IKBKB: variants seen among roughly 807,000 people sequenced by gnomAD.
The protein encoded by IKBKB is inhibitor of nuclear factor kappa B kinase subunit beta, also known as inhibitor of nuclear factor kappa-B kinase subunit beta.
In IKBKB, 42 loss-of-function variants were observed where a neutral mutation model predicts 113.6. The ratio of observed to expected loss-of-function variants is 0.37; its 90% CI spans 0.29 to 0.48. The LOEUF (loss-of-function observed/expected upper bound fraction) is 0.48, where lower values mean the gene tolerates loss of function less well. Among genes scored for constraint, IKBKB ranks in the 20% least tolerant of loss-of-function variants. The probability of loss-of-function intolerance (pLI) is 0.99; values close to 1 mark genes in which losing one functional copy is unlikely to be tolerated. For synonymous variants in IKBKB, 296 were observed against 361.3 expected, an observed-to-expected ratio of 0.82 and a Z score of 2.05; for missense variants, 673 against 939.7, an observed-to-expected ratio of 0.72 and a Z score of 3.71.
At position 42,318,538 on chromosome 8, in the gene IKBKB, G is replaced by T. The variant is rs1819135606; in HGVS notation, c.1241-14G>T. On this transcript the variant is annotated splice_polypyrimidine_tract_variant and intron_variant, in intron 12 of 21. Transcript: ENST00000520810. ...TGGTTATTCTTTGACAATTGCTTGT[G>T]TCTCTGTCTCCAGTTCAAGAGCCCA... The T allele has an allele frequency of 6.2e-7, 1 of 1,611,118 alleles. No homozygotes were observed. Among genetic ancestry groups the T allele is most frequent in the South Asian group, 1.1e-5 (1 of 90,954 alleles).
rs201788890 is a variant in IKBKB at position 42,316,261 on chromosome 8, C to A, written c.852C>A (p.His284Gln). 1 of 1,614,074 alleles carries A rather than the reference C, an allele frequency of 6.2e-7. No individual in the cohort carries two copies. Among genetic ancestry groups the A allele is most frequent in the Non-Finnish European group, 8.5e-7 (1 of 1,179,988 alleles). ...EKWLQLMLMW[H>Q]PRQRGTDPTY... The stretch of plus-strand genomic sequence containing the variant: ...GGCTGCAACTGATGCTGATGTGGCA[C>A]CCCCGACAGAGGGGCACGGATCCCA... The change falls in exon 10 of 22, where the codon CAC becomes CAA. Residue 284 changes from histidine to glutamine, a missense_variant. Around this residue, in one of 2 missense-constraint regions of IKBKB, gnomAD observed 506 missense variants for 638.7 expected, o/e 0.79. Transcript: ENST00000520810. This position sits in a 1 kb window ranked among gnomAD's most constrained non-coding sequence, Gnocchi z 4.5.
At chr8:42,297,995 G>A (rs1309719938) in intron 5 of IKBKB, 2 of 653,200 alleles carry the variant, frequency 3.1e-6, no homozygotes, top group East Asian at 1.4e-4. Flanking sequence ...ACTCCATGCT[G>A]ATAGGAGACC....
Position 42,271,465 on chromosome 8 carries a change from G to T in IKBKB, c.-23G>T. ...CCGCCCCCTGCCCCGCGTCCCTGCC[G>T]ACAGGTGAGTCCCCCTCGTGGGTGC... On this transcript the variant is annotated 5_prime_UTR_variant, in exon 1 of 22. Transcript: ENST00000520810. 1 of 1,090,956 alleles carries T rather than the reference G, an allele frequency of 9.2e-7. No individual in the cohort carries two copies. The highest frequency in any genetic ancestry group is 1.4e-5 in the South Asian group (1 of 73,672). The allele number at this position is 1,090,956 out of a possible 1,614,324, so 67.6% of individuals were successfully genotyped here. A position where few individuals can be genotyped will look rare whatever the true frequency, so the allele number is the denominator to read the frequency against.
At chr8:42,321,716 C>A in intron 16 of IKBKB, 180 bp from the exon 17 acceptor site, 1 of 565,722 alleles carries the variant, frequency 1.8e-6, no homozygotes, top group Non-Finnish European at 3.1e-6. Context: ...TTTGGCTGGG[C>A]ACAGTGGATC....
chr8:42,317,856 G>C, intron 12 of IKBKB, 85 bp downstream of exon 12: 2 of 974,274 alleles, frequency 2.1e-6, no homozygotes, highest in Non-Finnish European at 1.6e-6. Context: ...GACTAAGGAA[G>C]GGGGAGCCAC....
At chr8:42,300,523 G>A (rs554696630) in intron 5 of IKBKB, among the ~76,000 whole-genome samples, 30 of 152,238 alleles carry the variant, frequency 2.0e-4, no homozygotes, top group Middle Eastern at 6.8e-3. Context: ...CTTTCTTCTC[G>A]GAAGTCTTGC....
chr8:42,289,767 G>GA (rs921057499), intron 3 of IKBKB, among the ~76,000 whole-genome samples: 137 of 151,982 alleles, frequency 9.0e-4, no homozygotes, highest in African/African-American at 3.3e-3. Context: ...ACAGACAAAA[G>GA]AAAAAAAATA....
At position 42,316,100 on chromosome 8, in the gene IKBKB, A is replaced by G; in HGVS notation, c.801-110A>G. ...TACTGTTTCTGATAAACCCATTTTCATTTTCAATCACCGTCTACTGGCTGC... is the reference window on the plus strand; with the variant it reads ...TACTGTTTCTGATAAACCCATTTTCGTTTTCAATCACCGTCTACTGGCTGC... On this transcript the variant is annotated intron_variant, in intron 9 of 21. Coordinates refer to ENST00000520810, the MANE Select transcript of IKBKB (RefSeq NM_001556.3). The surrounding 1 kb of genome is among the most constrained non-coding windows in gnomAD (Gnocchi z 4.5). The G allele has an allele frequency of 8.3e-7, 1 of 1,206,916 alleles. No homozygotes were observed. The highest frequency in any genetic ancestry group is 1.2e-6 in the Non-Finnish European group (1 of 862,528). 74.8% of individuals were successfully genotyped at this position (1,206,916 alleles called of 1,614,324 possible). A position where few individuals can be genotyped will look rare whatever the true frequency, so the allele number is the denominator to read the frequency against.
intron 3 of IKBKB, 123 bp downstream of exon 3, chr8:42,288,851 AG>A (rs903256223): frequency 3.6e-5 from 23 of 639,372 alleles, no homozygotes; most frequent in Middle Eastern, 9.0e-4. Context: ...TGGAAGGCCA[AG>A]GCGGGCAGAT....
intron 5 of IKBKB, among the ~76,000 whole-genome samples, chr8:42,296,641 C>T (rs2130401430): frequency 7.2e-6 from 1 of 139,482 alleles, no homozygotes; most frequent in South Asian, 2.2e-4. Flanking sequence ...AAGAGTGAAA[C>T]TCCATCTCAA....
At chr8:42,289,663 G>A (rs991631181) in intron 3 of IKBKB, among the ~76,000 whole-genome samples, 2 of 152,214 alleles carry the variant, frequency 1.3e-5, no homozygotes, top group African/African-American at 2.4e-5. Context: ...TTATGTCATG[G>A]TTCCATTTGG....
chr8:42,309,172 C>T (rs867465800), intron 8 of IKBKB, 147 bp downstream of exon 8: 40 of 848,204 alleles, frequency 4.7e-5, no homozygotes, highest in Middle Eastern at 3.4e-4. Context: ...GGACCTAGCA[C>T]GAGTAGGGGA....
At chr8:42,326,307 G>T (rs1010650841) in intron 20 of IKBKB, 3 of 584,806 alleles carry the variant, frequency 5.1e-6, no homozygotes, top group African/African-American at 3.8e-5. Context: ...CTTTGTCCAA[G>T]GCTTGGATGA....
At chr8:42,302,778 A>C (rs1815523485) in intron 5 of IKBKB, among the ~76,000 whole-genome samples, 2 of 149,936 alleles carry the variant, frequency 1.3e-5, no homozygotes, top group Admixed American at 6.6e-5. Flanking sequence ...AAAAAAAAAA[A>C]CTGATCCCAA....
chr8:42,331,651 G>T lies in IKBKB; in HGVS notation c.*672G>T. ...TCTTTTCGGCAAAGTTGGAGCGAGT[G>T]CCAAGCTCTCCATCTGTGGTCCTTT... On this transcript the variant is annotated 3_prime_UTR_variant, in exon 22 of 22. Transcript: ENST00000520810. The T allele has an allele frequency of 1.9e-6, 1 of 539,556 alleles. No individual in the cohort carries two copies. 33.4% of individuals were successfully genotyped at this position (539,556 alleles called of 1,614,324 possible). A position where few individuals can be genotyped will look rare whatever the true frequency, so the allele number is the denominator to read the frequency against.
chr8:42,293,556 G>C, intron 5 of IKBKB, 44 bp downstream of exon 5: 1 of 1,614,016 alleles, frequency 6.2e-7, no homozygotes, highest in Non-Finnish European at 8.5e-7. Context: ...TTCAGGGAGA[G>C]TGTGGTGCCC....
Position 42,305,295 on chromosome 8 carries a change from T to TTTCCCAGTCCCA in IKBKB, c.477+20_477+21insTTCCCAGTCCCA. On this transcript the variant is annotated intron_variant, in intron 6 of 21. Coordinates refer to ENST00000520810, the MANE Select transcript of IKBKB (RefSeq NM_001556.3). ...CAGAGGGTAAGTGACCTCCTGGGAC[T>TTTCCCAGTCCCA]GGGAAAGCCTCAGGTGGGCGTGCCG... 6.5e-7 allele frequency: 1 copy of TTTCCCAGTCCCA among 1,546,162 alleles called. No homozygotes were observed. The highest frequency in any genetic ancestry group is 8.9e-7 in the Non-Finnish European group (1 of 1,118,604).
intron 2 of IKBKB, among the ~76,000 whole-genome samples, chr8:42,278,829 T>A (rs1305333577): frequency 2.0e-5 from 3 of 152,102 alleles, no homozygotes; most frequent in Non-Finnish European, 1.5e-5. Context: ...ACCCCGTCTC[T>A]ACTAAAAATA....
At chr8:42,317,578 G>A in intron 11 of IKBKB, 79 bp from the exon 12 acceptor site, 1 of 928,644 alleles carries the variant, frequency 1.1e-6, no homozygotes, top group Non-Finnish European at 1.8e-6. Flanking sequence ...AGTGGGGAAA[G>A]CTGTGGAACT....
Sources: gnomAD v4.1 joint callset for allele counts (sites outside exome capture counted in the v4.1 genomes callset) on GRCh38, gnomAD v4.1.1 for gene constraint, gnomAD v4.1.1 regional missense constraint, Gnocchi (gnomAD v3.1) non-coding constraint, MANE v1.5 for transcripts, NCBI Gene and HGNC (gene_info 2026-07-23, HGNC 2026-07-21) for gene names.